The following FAM240B variants were observed in gnomAD, a reference collection of about 807,000 sequenced individuals.
FAM240B encodes the protein family with sequence similarity 240 member B.
intron 1 of FAM240B, among the ~76,000 whole-genome samples, chr9:38,707,831 A>AAATC (rs1821208939): frequency 6.6e-6 from 1 of 151,668 alleles, no homozygotes; most frequent in Non-Finnish European, 1.5e-5. Context: ...AACCCAAAGG[A>AAATC]AATCAGGCTA....
Position 38,696,821 on chromosome 9 carries a change from A to T in FAM240B, c.144-1952T>A, listed in dbSNP as rs570355744. On this transcript the variant is annotated intron_variant, in intron 2 of 2. Coordinates refer to ENST00000637493, the MANE Select transcript of FAM240B (RefSeq NM_001394922.1). ...AGACGGAGACACCGTCTCAAAAATTAAAAAAAGTGATGATTTATTGAGCTT... is the reference window on the plus strand; with the variant it reads ...AGACGGAGACACCGTCTCAAAAATTTAAAAAAGTGATGATTTATTGAGCTT... 7.6e-4 allele frequency among the ~76,000 whole-genome samples: 116 copies of T among 152,306 alleles called. 1 individual carries two copies. The South Asian group carries it at 9.5e-3, about 13-fold the overall frequency.
chr9:38,714,892 A>G (rs1288590403), intron 1 of FAM240B, among the ~76,000 whole-genome samples: 1 of 152,240 alleles, frequency 6.6e-6, no homozygotes, highest in Non-Finnish European at 1.5e-5. Flanking sequence ...AAAACAGACA[A>G]TAAGTAGTGG....
At chr9:38,698,827 G>C (rs557914469) in intron 2 of FAM240B, among the ~76,000 whole-genome samples, 1 of 152,298 alleles carries the variant, frequency 6.6e-6, no homozygotes, top group African/African-American at 2.4e-5. Context: ...CTATCCAAAT[G>C]TCTTTTAAAT....
At chr9:38,701,503 A>C (rs1821127636) in intron 2 of FAM240B, among the ~76,000 whole-genome samples, 1 of 152,206 alleles carries the variant, frequency 6.6e-6, no homozygotes. Context: ...TTGCCAAATG[A>C]AAAAAGCTTT....
At chr9:38,704,115 T>G in intron 1 of FAM240B, 113 bp from the exon 2 acceptor site, 1 of 396,362 alleles carries the variant, frequency 2.5e-6, no homozygotes, top group Non-Finnish European at 4.4e-6. Context: ...TTGTTTTTTT[T>G]TTTTTTTTTG....
chr9:38,704,036 TTAAA>T (rs2119003999), intron 1 of FAM240B, 34 bp from the exon 2 acceptor site: 1 of 398,924 alleles, frequency 2.5e-6, no homozygotes, highest in East Asian at 3.6e-5. Flanking sequence ...TCCCACTTCT[TTAAA>T]TAAAGCCACT....
At chr9:38,697,992 C>G (rs1329012264) in intron 2 of FAM240B, among the ~76,000 whole-genome samples, 4 of 152,208 alleles carry the variant, frequency 2.6e-5, no homozygotes, top group African/African-American at 9.6e-5. Context: ...TGAAATATAG[C>G]CCTGCCCACT....
At chr9:38,714,008 A>G (rs924957237) in intron 1 of FAM240B, among the ~76,000 whole-genome samples, 1 of 152,156 alleles carries the variant, frequency 6.6e-6, no homozygotes, top group Non-Finnish European at 1.5e-5. Flanking sequence ...CCCTGAACAC[A>G]TTTTGTAGTG....
chr9:38,694,333 A>T lies in FAM240B; in HGVS notation c.*443T>A, dbSNP rs117633499. ...TTCTGTGTTCACAAAAAGCGGGGAA[A>T]GAAGGACAAGATTTTATGACTCTTT... On this transcript the variant is annotated 3_prime_UTR_variant, in exon 3 of 3. Transcript: ENST00000637493. 1,435 of 154,530 alleles carry T rather than the reference A, an allele frequency of 9.3e-3. 12 individuals are homozygous for T. The highest frequency in any genetic ancestry group is 0.017 in the Middle Eastern group (5 of 300). 9.6% of individuals were successfully genotyped at this position (154,530 alleles called of 1,614,324 possible). A position where few individuals can be genotyped will look rare whatever the true frequency, so the allele number is the denominator to read the frequency against.
intron 2 of FAM240B, among the ~76,000 whole-genome samples, chr9:38,699,756 C>T (rs7036443): frequency 0.034 from 5,177 of 152,294 alleles, 273 homozygotes; most frequent in African/African-American, 0.12. Flanking sequence ...TGAAGGTCCT[C>T]TGAGTGGGGC....
chr9:38,701,111 G>T (rs1409089893), intron 2 of FAM240B, among the ~76,000 whole-genome samples: 1 of 152,114 alleles, frequency 6.6e-6, no homozygotes, highest in Non-Finnish European at 1.5e-5. Context: ...GATTGGATTT[G>T]CCTTTTATAA....
intron 2 of FAM240B, among the ~76,000 whole-genome samples, chr9:38,695,796 GAAGC>G (rs1821062484): frequency 1.3e-5 from 2 of 152,190 alleles, no homozygotes; most frequent in African/African-American, 2.4e-5. Context: ...TACCTGATTT[GAAGC>G]TTAACATAAA....
chr9:38,719,734 C>CTTT (rs1219777982), intron 1 of FAM240B, among the ~76,000 whole-genome samples: 2 of 152,154 alleles, frequency 1.3e-5, no homozygotes, highest in African/African-American at 4.8e-5. Context: ...TCCAAAAAGC[C>CTTT]TTGCTCTGTG....
intron 1 of FAM240B, among the ~76,000 whole-genome samples, chr9:38,707,793 CA>C (rs11300800): frequency 0.22 from 24,169 of 109,108 alleles, 2,085 homozygotes; most frequent in African/African-American, 0.32. Context: ...GACTCGGTCT[CA>C]AAAAAAAAAA....
chr9:38,702,315 C>T (rs1294335860), intron 2 of FAM240B, among the ~76,000 whole-genome samples: 1 of 152,194 alleles, frequency 6.6e-6, no homozygotes, highest in Non-Finnish European at 1.5e-5. Flanking sequence ...AAGAAGGGTC[C>T]TCTCTGGCTT....
chr9:38,717,630 G>A (rs982085830), intron 1 of FAM240B, among the ~76,000 whole-genome samples: 7 of 152,014 alleles, frequency 4.6e-5, no homozygotes, highest in Middle Eastern at 3.4e-3. Context: ...ACAGGCGCCC[G>A]CCGCCACACC....
chr9:38,710,741 A>G (rs1190132563), intron 1 of FAM240B, among the ~76,000 whole-genome samples: 1 of 152,206 alleles, frequency 6.6e-6, no homozygotes, highest in Non-Finnish European at 1.5e-5. Context: ...GGTGGGCTGC[A>G]GGTCTGTGGT....
intron 1 of FAM240B, among the ~76,000 whole-genome samples, chr9:38,719,040 TAGTC>T (rs1382011060): frequency 9.2e-5 from 14 of 152,288 alleles, no homozygotes; most frequent in East Asian, 3.9e-4. Flanking sequence ...CTGGCTCTAA[TAGTC>T]AGGAAAAAAT....
chr9:38,696,865 A>G (rs938879164), intron 2 of FAM240B, among the ~76,000 whole-genome samples: 1 of 152,194 alleles, frequency 6.6e-6, no homozygotes, highest in Non-Finnish European at 1.5e-5. Flanking sequence ...TTCTACTTTG[A>G]TATCCACAGA....
Sources: allele counts gnomAD v4.1 joint callset (sites outside exome capture counted in the v4.1 genomes callset), GRCh38; gene constraint gnomAD v4.1.1; transcripts MANE v1.5; gene names NCBI Gene and HGNC (gene_info 2026-07-23, HGNC 2026-07-21).